The following GFRA1 variants were observed in gnomAD, a reference collection of about 807,000 sequenced individuals.
GFRA1 encodes GDNF family receptor alpha 1.
GFRA1 carries 16 observed loss-of-function variants against 51.6 expected under a neutral mutation model. That is an observed-to-expected ratio of 0.31 (90% confidence interval 0.21 to 0.47). The LOEUF (loss-of-function observed/expected upper bound fraction) is 0.47. Ranked by LOEUF, GFRA1 falls within the 20% of genes least tolerant of loss-of-function variation. The pLI is 1.00. For synonymous variants in GFRA1, 270 were observed against 241.3 expected (o/e 1.12, Z -1.10); for missense variants, 530 against 594.3 (o/e 0.89, Z 1.13).
At chr10:116,198,370 C>T (rs996834926) in intron 5 of GFRA1, among the ~76,000 whole-genome samples, 5 of 152,164 alleles carry the variant, frequency 3.3e-5, no homozygotes, top group East Asian at 1.9e-4. Context: ...TCACTCATCA[C>T]GAACCTTAAT....
At chr10:116,201,330 A>G (rs1964312143) in intron 5 of GFRA1, among the ~76,000 whole-genome samples, 1 of 152,184 alleles carries the variant, frequency 6.6e-6, no homozygotes, top group Non-Finnish European at 1.5e-5. Context: ...AGTCACACTG[A>G]GAGTGTTAGG....
intron 4 of GFRA1, among the ~76,000 whole-genome samples, chr10:116,255,333 A>G (rs966212400): frequency 6.6e-6 from 1 of 152,222 alleles, no homozygotes; most frequent in Non-Finnish European, 1.5e-5. Context: ...GAAACTCTTG[A>G]ATATGAAATG....
intron 4 of GFRA1, among the ~76,000 whole-genome samples, chr10:116,223,621 C>T (rs1966078978): frequency 2.0e-5 from 3 of 152,142 alleles, no homozygotes; most frequent in Admixed American, 1.3e-4. Context: ...GAACACCTTG[C>T]AAAAACCTTG....
chr10:116,249,493 G>C (rs1028023164), intron 4 of GFRA1, among the ~76,000 whole-genome samples: 7 of 152,124 alleles, frequency 4.6e-5, no homozygotes, highest in African/African-American at 1.7e-4. Flanking sequence ...CGTCCTAAGT[G>C]CTGACAAATT....
chr10:116,098,478 AGT>A lies in GFRA1; in HGVS notation c.771-1716_771-1715del, dbSNP rs1565573949. Reference sequence around the variant, plus strand: ...CTCCAATGGCATCCAGCTTGGATTGAGTGTTAATTTCAAAAGAATTTTCCTGG... The same window carrying A: ...CTCCAATGGCATCCAGCTTGGATTGAGTTAATTTCAAAAGAATTTTCCTGG... On this transcript the variant is annotated intron_variant, in intron 6 of 10. Coordinates refer to ENST00000355422, the MANE Select transcript of GFRA1 (RefSeq NM_005264.8). 3.9e-5 allele frequency among the ~76,000 whole-genome samples: 6 copies of A among 152,294 alleles called. No homozygotes were observed. The South Asian group carries it at 1.2e-3, about 32-fold the overall frequency.
intron 5 of GFRA1, among the ~76,000 whole-genome samples, chr10:116,159,423 T>C (rs540710187): frequency 5.3e-5 from 8 of 152,346 alleles, no homozygotes; most frequent in Non-Finnish European, 1.0e-4. Context: ...TACCATGTAG[T>C]GGATCCTCGT....
chr10:116,123,913 GGTTT>G (rs952331092), intron 6 of GFRA1, among the ~76,000 whole-genome samples: 2 of 152,074 alleles, frequency 1.3e-5, no homozygotes, highest in Admixed American at 6.6e-5. Context: ...TATGTTTGTT[GGTTT>G]GTTTGTTTTG....
Position 116,093,712 on chromosome 10 carries a change from ATTGT to A in GFRA1, c.1001_1004del (p.Asp334ValfsTer17). The stretch of plus-strand genomic sequence containing the variant: ...TTTTTACAAACTCACTAAGACATGT[ATTGT>A]CCTTGAAGAAATTCAAAAATTTCAA... On this transcript the variant is annotated frameshift_variant, in exon 8 of 11. Transcript: ENST00000355422. LOFTEE classifies it high-confidence loss of function. 3 of 1,613,888 alleles carry A rather than the reference ATTGT, an allele frequency of 1.9e-6. No individual in the cohort carries two copies. The highest frequency in any genetic ancestry group is 2.5e-6 in the Non-Finnish European group (3 of 1,179,764).
In GFRA1 at chr10:116,271,976, G is replaced by T; in HGVS notation, c.40+14C>A. The T allele has an allele frequency of 6.4e-7, 1 of 1,551,534 alleles. No individual in the cohort carries two copies. The highest frequency in any genetic ancestry group is 8.7e-7 in the Non-Finnish European group (1 of 1,146,560). ...CTCAGAGGGTAAGAAAGCCCGCGGC[G>T]GGCCTCGACTTACCCAAGAGCGGCA... On this transcript the variant is annotated intron_variant, in intron 2 of 10. Transcript: ENST00000355422.
intron 5 of GFRA1, among the ~76,000 whole-genome samples, chr10:116,189,158 AC>A (rs973675869): frequency 1.3e-4 from 20 of 151,444 alleles, no homozygotes; most frequent in Non-Finnish European, 1.9e-4. Context: ...AAAATGAATT[AC>A]CTGCAAGCAG....
At chr10:116,197,618 C>T (rs3824842) in intron 5 of GFRA1, among the ~76,000 whole-genome samples, 32,128 of 152,036 alleles carry the variant, frequency 0.21, 3,690 homozygotes, top group South Asian at 0.3. Flanking sequence ...ACTAAGACAT[C>T]GACTAACCCT....
At chr10:116,233,481 C>A (rs1211855204) in intron 4 of GFRA1, among the ~76,000 whole-genome samples, 1 of 152,282 alleles carries the variant, frequency 6.6e-6, no homozygotes, top group African/African-American at 2.4e-5. Context: ...ATTTCCTGCA[C>A]AGACACCCTA....
At chr10:116,097,751 CA>C (rs1180329160) in intron 6 of GFRA1, among the ~76,000 whole-genome samples, 1 of 152,182 alleles carries the variant, frequency 6.6e-6, no homozygotes, top group Non-Finnish European at 1.5e-5. Flanking sequence ...GAGGCTGTCT[CA>C]GTTCTCTTCT....
intron 5 of GFRA1, among the ~76,000 whole-genome samples, chr10:116,202,433 CTG>C (rs1162295990): frequency 6.6e-6 from 1 of 152,172 alleles, no homozygotes; most frequent in Non-Finnish European, 1.5e-5. Context: ...CAGTAGAAGA[CTG>C]TGTGGAAATG....
In GFRA1 at chr10:116,093,685, A is replaced by G. The variant is rs1956450133; in HGVS notation, c.1015+17T>C. The G allele has an allele frequency of 6.2e-7, 1 of 1,612,388 alleles. No homozygotes were observed. The highest frequency in any genetic ancestry group is 8.5e-7 in the Non-Finnish European group (1 of 1,178,552). On this transcript the variant is annotated intron_variant, in intron 8 of 10. Transcript: ENST00000355422. ...AAATGCGTTTGCTCCTTTGTTTCTT[A>G]TTTTTTACAAACTCACTAAGACATG...
At chr10:116,255,193 GCT>G (rs1555173406) in intron 4 of GFRA1, among the ~76,000 whole-genome samples, 2 of 152,156 alleles carry the variant, frequency 1.3e-5, no homozygotes, top group Non-Finnish European at 2.9e-5. Context: ...AGGATATGCT[GCT>G]CTGTTTGCCA....
chr10:116,230,131 C>T (rs1489611029), intron 4 of GFRA1, among the ~76,000 whole-genome samples: 1 of 152,108 alleles, frequency 6.6e-6, no homozygotes, highest in Non-Finnish European at 1.5e-5. Flanking sequence ...TCTCATCAAC[C>T]CAAAGGGCAT....
chr10:116,196,499 T>C (rs1963764061), intron 5 of GFRA1, among the ~76,000 whole-genome samples: 1 of 138,676 alleles, frequency 7.2e-6, no homozygotes, highest in African/African-American at 2.7e-5. Flanking sequence ...AAAAAATATA[T>C]ATATATAATA....
intron 5 of GFRA1, among the ~76,000 whole-genome samples, chr10:116,176,726 C>T (rs562971732): frequency 0.049 from 6,457 of 130,556 alleles, 448 homozygotes; most frequent in African/African-American, 0.14. Flanking sequence ...CCCTCCCTCC[C>T]TCCTTCCTTC....
Sources: allele counts gnomAD v4.1 joint callset (sites outside exome capture counted in the v4.1 genomes callset), GRCh38; gene constraint gnomAD v4.1.1; transcripts MANE v1.5; gene names NCBI Gene and HGNC (gene_info 2026-07-23, HGNC 2026-07-21).